Variants in DAB1 observed in about 807,000 individuals in gnomAD.
DAB1 encodes the protein DAB adaptor protein 1.
In DAB1, 15 loss-of-function variants were observed where a neutral mutation model predicts 64.6. That is an observed-to-expected ratio of 0.23 (90% confidence interval 0.16 to 0.36). The LOEUF (loss-of-function observed/expected upper bound fraction) is 0.36. Ranked by LOEUF, DAB1 falls within the 10% of genes least tolerant of loss-of-function variation. The pLI is 1.00. For missense variants in DAB1, 596 were observed against 706.7 expected, an observed-to-expected ratio of 0.84 and a Z score of 1.78; for synonymous variants, 235 against 251.9, an observed-to-expected ratio of 0.93 and a Z score of 0.64.
intron 5 of DAB1, among the ~76,000 whole-genome samples, chr1:58,068,881 C>T (rs1037526049): frequency 6.6e-6 from 1 of 151,986 alleles, no homozygotes; most frequent in African/African-American, 2.4e-5. Context: ...GCAAACTGCA[C>T]CTCTAATGTG....
At chr1:57,365,299 G>T (rs1174895615) in intron 1 of DAB1, among the ~76,000 whole-genome samples, 2 of 133,460 alleles carry the variant, frequency 1.5e-5, no homozygotes, top group African/African-American at 2.8e-5. Flanking sequence ...ATTATATAAA[G>T]AATACATAAA....
At chr1:57,286,129 C>T (rs1369845744) in intron 2 of DAB1, among the ~76,000 whole-genome samples, 2 of 152,162 alleles carry the variant, frequency 1.3e-5, no homozygotes, top group African/African-American at 4.8e-5. Context: ...TCATAAATCG[C>T]CTGCCTAGAA....
chr1:57,151,553 T>C (rs1659666425), intron 2 of DAB1, among the ~76,000 whole-genome samples: 1 of 152,114 alleles, frequency 6.6e-6, no homozygotes, highest in African/African-American at 2.4e-5. Context: ...TTCAGAGTAA[T>C]TCTCAAAGAT....
chr1:57,013,162 C>T (rs552725285), intron 12 of DAB1, among the ~76,000 whole-genome samples: 11 of 152,332 alleles, frequency 7.2e-5, no homozygotes, highest in South Asian at 6.2e-4. Context: ...TCCATAGTGC[C>T]GAGGTTGCCA....
intron 5 of DAB1, among the ~76,000 whole-genome samples, chr1:58,042,848 C>G (rs748034907): frequency 2.6e-5 from 4 of 151,942 alleles, no homozygotes; most frequent in Admixed American, 6.6e-5. Flanking sequence ...TTAAGTGAGG[C>G]GGAGGGGAGG....
At chr1:57,322,255 C>G (rs1383425101) in intron 1 of DAB1, among the ~76,000 whole-genome samples, 8 of 152,192 alleles carry the variant, frequency 5.3e-5, no homozygotes, top group African/African-American at 1.9e-4. Context: ...AGAGGAGATG[C>G]AGATTCCAGT....
chr1:58,540,069 A>G (rs1259097969), intron 1 of DAB1, among the ~76,000 whole-genome samples: 2 of 152,182 alleles, frequency 1.3e-5, no homozygotes, highest in African/African-American at 4.8e-5. Flanking sequence ...AATAATATAC[A>G]GGGCTCACAC....
chr1:57,094,108 C>CAAAAAA (rs59491159), intron 4 of DAB1, among the ~76,000 whole-genome samples: 1 of 112,658 alleles, frequency 8.9e-6, no homozygotes, highest in South Asian at 3.0e-4. Flanking sequence ...GACTCTGCCT[C>CAAAAAA]AAAAAAAAAA....
intron 3 of DAB1, among the ~76,000 whole-genome samples, chr1:58,393,921 T>C (rs1452550308): frequency 1.3e-5 from 2 of 152,216 alleles, no homozygotes; most frequent in Non-Finnish European, 2.9e-5. Flanking sequence ...ATTTGTCAAT[T>C]AGCTTGATTT....
At chr1:57,086,388 C>A (rs1271416414) in intron 4 of DAB1, among the ~76,000 whole-genome samples, 2 of 152,104 alleles carry the variant, frequency 1.3e-5, no homozygotes, top group Non-Finnish European at 2.9e-5. Flanking sequence ...TACAAATAAA[C>A]CTGGCTCTCC....
rs150144674 is a variant in DAB1 at position 57,150,197 on chromosome 1, A to G, written c.68-4768T>C. On this transcript the variant is annotated intron_variant, in intron 2 of 14. Transcript: ENST00000371236. ...AGTATAGATACTAATGGGTGCTCCC[A>G]GTATTAAAGAAATGACAAATAGCAT... Among the ~76,000 whole-genome samples the G allele has an allele frequency of 4.2e-3, 642 of 152,356 alleles. 7 individuals are homozygous for G. Among genetic ancestry groups the G allele is most frequent in the African/African-American group, 0.015 (619 of 41,582 alleles).
chr1:57,367,557 C>G (rs944257799), intron 1 of DAB1, among the ~76,000 whole-genome samples: 1 of 152,142 alleles, frequency 6.6e-6, no homozygotes, highest in Non-Finnish European at 1.5e-5. Context: ...TGGCAGCTAT[C>G]GAAAGAAACC....
At chr1:57,574,472 C>T (rs1645227338) in intron 7 of DAB1, among the ~76,000 whole-genome samples, 1 of 152,136 alleles carries the variant, frequency 6.6e-6, no homozygotes, top group Non-Finnish European at 1.5e-5. Context: ...TTCTTAATCC[C>T]CATTTTTTAG....
chr1:57,002,857 C>T (rs891017973), intron 14 of DAB1, among the ~76,000 whole-genome samples: 1 of 152,150 alleles, frequency 6.6e-6, no homozygotes, highest in Non-Finnish European at 1.5e-5. Flanking sequence ...GTGCCAGTTT[C>T]CTCATCTGTA....
In DAB1 at chr1:58,125,173, C is replaced by T. The variant is rs192572423; in HGVS notation, n.387+25338G>A. Among the ~76,000 whole-genome samples, 226 of 152,140 alleles carry T rather than the reference C, an allele frequency of 1.5e-3. 1 individual carries two copies. The highest frequency in any genetic ancestry group is 1.2e-3 in the Non-Finnish European group (79 of 67,992). On this transcript the variant is annotated intron_variant and non_coding_transcript_variant, in intron 5 of 20. Coordinates refer to the DAB1 transcript ENST00000485760. ...AGCATTTAAAAGAAAATTCAATGGT[C>T]TTGAAACACAGCACAGAGGTTCAGT...
chr1:58,182,469 T>C (rs536727673), intron 4 of DAB1, among the ~76,000 whole-genome samples: 1 of 152,062 alleles, frequency 6.6e-6, no homozygotes, highest in East Asian at 1.9e-4. Flanking sequence ...TGAGGCCCTG[T>C]TCATCTTTCT....
chr1:57,643,735 A>T (rs1646158506), intron 7 of DAB1, among the ~76,000 whole-genome samples: 1 of 152,096 alleles, frequency 6.6e-6, no homozygotes, highest in Non-Finnish European at 1.5e-5. Context: ...CTGATTTGCC[A>T]CTCCATTACG....
At chr1:58,256,656 A>ACTGT (rs1275955961) in intron 4 of DAB1, among the ~76,000 whole-genome samples, 3 of 152,220 alleles carry the variant, frequency 2.0e-5, no homozygotes, top group Admixed American at 6.5e-5. Context: ...CCATGTTTAT[A>ACTGT]CTGTCTGTCT....
chr1:57,476,661 C>A (rs567362504), intron 7 of DAB1, among the ~76,000 whole-genome samples: 1 of 152,214 alleles, frequency 6.6e-6, no homozygotes, highest in Non-Finnish European at 1.5e-5. Flanking sequence ...AAGAGAGGAA[C>A]AGGACACAGT....
Sources: allele counts gnomAD v4.1 joint callset (sites outside exome capture counted in the v4.1 genomes callset), GRCh38; gene constraint gnomAD v4.1.1; transcripts MANE v1.5; gene names NCBI Gene and HGNC (gene_info 2026-07-23, HGNC 2026-07-21).